The following PIAS1 variants were observed in gnomAD, a reference collection of about 807,000 sequenced individuals.
PIAS1 encodes protein inhibitor of activated STAT 1.
A neutral mutation model predicts 71.3 loss-of-function variants in PIAS1; 6 were observed. The observed-to-expected ratio is 0.08, with a 90% CI of 0.05 to 0.17. The LOEUF is 0.17. Among genes scored for constraint, PIAS1 ranks in the 10% least tolerant of loss-of-function variants. PIAS1 has a pLI of 1.00. For missense variants in PIAS1, 555 were observed against 793.6 expected (o/e 0.70, Z 3.61); for synonymous variants, 303 against 292.9 (o/e 1.03, Z -0.35).
At chr15:68,068,287 T>G (rs2092051337) in intron 1 of PIAS1, among the ~76,000 whole-genome samples, 1 of 152,096 alleles carries the variant, frequency 6.6e-6, no homozygotes, top group Non-Finnish European at 1.5e-5. Flanking sequence ...GGAGGATCGC[T>G]TGAGCCAGGA....
chr15:68,139,566 G>A (rs1283578185), intron 2 of PIAS1, among the ~76,000 whole-genome samples: 9 of 152,094 alleles, frequency 5.9e-5, no homozygotes, highest in Admixed American at 5.2e-4. Context: ...TAATTCCCTT[G>A]ATCTGATCGC....
chr15:68,188,973 TCTA>T lies in PIAS1; in HGVS notation c.*1142_*1144del, dbSNP rs1169875064. On this transcript the variant is annotated 3_prime_UTR_variant, in exon 14 of 14. Coordinates refer to ENST00000249636, the MANE Select transcript of PIAS1 (RefSeq NM_016166.3). ...ACAATGCACCACATTTTTGTAGAAG[TCTA>T]CTATTTGATAAACAGTTGAAATTCA... 2 of 152,226 alleles carry T rather than the reference TCTA, an allele frequency of 1.3e-5. No homozygotes were observed. Among genetic ancestry groups the T allele is most frequent in the Non-Finnish European group, 2.9e-5 (2 of 68,030 alleles). 9.4% of individuals were successfully genotyped at this position (152,226 alleles called of 1,614,324 possible). A position where few individuals can be genotyped will look rare whatever the true frequency, so the allele number is the denominator to read the frequency against.
At chr15:68,058,305 TCTTA>T (rs1330670528) in intron 1 of PIAS1, among the ~76,000 whole-genome samples, 1 of 152,260 alleles carries the variant, frequency 6.6e-6, no homozygotes, top group Admixed American at 6.5e-5. Context: ...AATAATAATA[TCTTA>T]CTTATATAGT....
In PIAS1 at chr15:68,176,512, C is replaced by T. The variant is rs1476900952; in HGVS notation, c.1339C>T (p.His447Tyr). ...SSTLEHQVASHHQSSNKNKKV... is the reference protein window; with the variant it reads ...SSTLEHQVASYHQSSNKNKKV... Reference sequence around the variant, plus strand: ...CACATTGGAGCATCAGGTAGCGTCTCACCACCAGTCCTCAAATAAAAACAA... The same window carrying T: ...CACATTGGAGCATCAGGTAGCGTCTTACCACCAGTCCTCAAATAAAAACAA... Residue 447 changes from histidine (H) to tyrosine (Y), a missense_variant, in exon 11 of 14, where the codon CAC (histidine) becomes TAC (tyrosine). By Grantham distance (83) the His-to-Tyr change is moderately conservative (BLOSUM62 2). This residue lies in a region of PIAS1 where 244 missense variants were observed against 307.5 expected (regional missense o/e 0.79). Transcript: ENST00000249636. The T allele has an allele frequency of 6.2e-7, 1 of 1,611,246 alleles. No homozygotes were observed. The highest frequency in any genetic ancestry group is 1.7e-5 in the Admixed American group (1 of 59,398).
intron 1 of PIAS1, chr15:68,055,118 A>AG (rs993478605): frequency 2.1e-5 from 14 of 680,270 alleles, no homozygotes; most frequent in Non-Finnish European, 2.4e-5. Context: ...CAGTGTTGGG[A>AG]GGGGGGGATG....
chr15:68,103,220 C>T (rs2092442476), intron 2 of PIAS1, among the ~76,000 whole-genome samples: 1 of 152,092 alleles, frequency 6.6e-6, no homozygotes, highest in Non-Finnish European at 1.5e-5. Context: ...AGCCACTCTG[C>T]CTGACCCTTC....
chr15:68,062,603 T>C (rs1301131740), intron 1 of PIAS1, among the ~76,000 whole-genome samples: 1 of 152,244 alleles, frequency 6.6e-6, no homozygotes. Context: ...ATTTTGGGCA[T>C]TTAATATAAA....
At chr15:68,092,006 TTA>T (rs139474871) in intron 2 of PIAS1, among the ~76,000 whole-genome samples, 360 of 152,276 alleles carry the variant, frequency 2.4e-3, no homozygotes, top group African/African-American at 8.4e-3. Context: ...CTTGTTTGCT[TTA>T]TATGAGATTG....
intron 2 of PIAS1, among the ~76,000 whole-genome samples, chr15:68,120,811 C>G (rs2092607393): frequency 6.6e-6 from 1 of 152,074 alleles, no homozygotes; most frequent in South Asian, 2.1e-4. Context: ...CCCGCCACCA[C>G]GCCTGGCTAA....
chr15:68,055,499 G>T (rs2091885656), intron 1 of PIAS1, among the ~76,000 whole-genome samples: 1 of 152,058 alleles, frequency 6.6e-6, no homozygotes, highest in South Asian at 2.1e-4. Flanking sequence ...TTGGGGGAGG[G>T]GGTGGTGGAA....
intron 2 of PIAS1, among the ~76,000 whole-genome samples, chr15:68,135,091 G>T (rs1194462658): frequency 4.1e-5 from 2 of 49,020 alleles, no homozygotes; most frequent in Non-Finnish European, 8.5e-5. Context: ...TGGCCGGGCG[G>T]GGGGCTGACC....
At chr15:68,114,789 T>C (rs1163916981) in intron 2 of PIAS1, among the ~76,000 whole-genome samples, 1 of 152,098 alleles carries the variant, frequency 6.6e-6, no homozygotes, top group East Asian at 1.9e-4. Flanking sequence ...TTCGTCTTTT[T>C]ATTTTTGATC....
chr15:68,161,578 C>T (rs1028975870), intron 7 of PIAS1, among the ~76,000 whole-genome samples: 1 of 151,020 alleles, frequency 6.6e-6, no homozygotes, highest in South Asian at 2.1e-4. Flanking sequence ...ATATATAAAT[C>T]GTGTTTTATT....
chr15:68,095,037 G>A (rs538213450), intron 2 of PIAS1, among the ~76,000 whole-genome samples: 21 of 152,122 alleles, frequency 1.4e-4, no homozygotes, highest in Non-Finnish European at 2.8e-4. Context: ...AACTAAGAAT[G>A]ATTGGCTTTT....
intron 2 of PIAS1, among the ~76,000 whole-genome samples, chr15:68,126,066 T>C (rs2092648563): frequency 6.6e-6 from 1 of 152,088 alleles, no homozygotes; most frequent in Non-Finnish European, 1.5e-5. Context: ...GGATTCTTTT[T>C]ATGTGCAGTG....
chr15:68,154,026 A>C (rs1403961637), intron 7 of PIAS1: 3 of 202,958 alleles, frequency 1.5e-5, no homozygotes, highest in Non-Finnish European at 3.0e-5. Context: ...TATCCAGGAA[A>C]AATGTACAGA....
rs187193763 is a variant in PIAS1, at chr15:68,085,699, G to A, written c.25-607G>A. Among the ~76,000 whole-genome samples, 943 of 152,206 alleles carry A rather than the reference G, an allele frequency of 6.2e-3. 8 individuals carry two copies. Among genetic ancestry groups the A allele is most frequent in the African/African-American group, 0.021 (892 of 41,524 alleles). ...TAAATCAGGCAGGATAATACCTTGCGGAGTTGTAAAGATAATGACATTCCA... is the reference window on the plus strand; with the variant it reads ...TAAATCAGGCAGGATAATACCTTGCAGAGTTGTAAAGATAATGACATTCCA... On this transcript the variant is annotated intron_variant, in intron 1 of 13. Transcript: ENST00000249636.
intron 8 of PIAS1, among the ~76,000 whole-genome samples, chr15:68,165,215 G>A (rs1369621806): frequency 1.3e-5 from 2 of 152,018 alleles, no homozygotes; most frequent in Non-Finnish European, 2.9e-5. Context: ...TCTGCCTCCC[G>A]GGTTCAGGCG....
chr15:68,070,147 T>C (rs761637493), intron 1 of PIAS1, among the ~76,000 whole-genome samples: 5 of 152,178 alleles, frequency 3.3e-5, no homozygotes, highest in Non-Finnish European at 5.9e-5. Flanking sequence ...CCCATTGAGA[T>C]TGACGACTGT....
Sources: gnomAD v4.1 joint callset for allele counts (sites outside exome capture counted in the v4.1 genomes callset) on GRCh38, gnomAD v4.1.1 for gene constraint, gnomAD v4.1.1 regional missense constraint, MANE v1.5 for transcripts, NCBI Gene and HGNC (gene_info 2026-07-23, HGNC 2026-07-21) for gene names.